CXCR2: variants seen among roughly 807,000 people sequenced by gnomAD.
CXCR2 encodes the protein C-X-C motif chemokine receptor 2.
A neutral mutation model predicts 3.7 loss-of-function variants in CXCR2; 2 were observed. That is an observed-to-expected ratio of 0.55 (90% CI 0.22 to 1.72). CXCR2 has a LOEUF of 1.72. CXCR2 is among the 40% of genes most tolerant of loss of function. The probability of loss-of-function intolerance (pLI) is 0.19; values close to 1 mark genes in which losing one functional copy is unlikely to be tolerated. For synonymous variants in CXCR2, 203 were observed against 193.3 expected (o/e 1.05, Z -0.41); for missense variants, 351 against 450.1 (o/e 0.78, Z 1.99).
At chr2:218,129,807 T>C (rs1690599978) in intron 2 of CXCR2, among the ~76,000 whole-genome samples, 1 of 152,236 alleles carries the variant, frequency 6.6e-6, no homozygotes, top group African/African-American at 2.4e-5. Context: ...CCTTAGATGT[T>C]TGAGATCTTG....
chr2:218,132,523 T>C (rs986050189), intron 2 of CXCR2, among the ~76,000 whole-genome samples: 5 of 152,228 alleles, frequency 3.3e-5, no homozygotes, highest in Admixed American at 3.3e-4. Context: ...AAATATGTCA[T>C]GTGAACATGG....
chr2:218,128,703 A>G (rs1690566946), intron 1 of CXCR2, among the ~76,000 whole-genome samples: 1 of 152,174 alleles, frequency 6.6e-6, no homozygotes, highest in Non-Finnish European at 1.5e-5. Context: ...CTCAGACCCA[A>G]TGCCAAGTGT....
At chr2:218,130,170 C>G (rs896655175) in intron 2 of CXCR2, among the ~76,000 whole-genome samples, 10 of 152,168 alleles carry the variant, frequency 6.6e-5, no homozygotes, top group African/African-American at 2.4e-4. Context: ...CCTGTAATCT[C>G]AGCACTTTGG....
At position 218,135,491 on chromosome 2, in the gene CXCR2, C is replaced by T; in HGVS notation, c.690C>T (p.Cys230=). 6.2e-7 allele frequency: 1 copy of T among 1,614,196 alleles called. No individual in the cohort carries two copies. Among genetic ancestry groups the T allele is most frequent in the Non-Finnish European group, 8.5e-7 (1 of 1,180,024 alleles). Residue 230 remains cysteine (C), a synonymous_variant, in exon 3 of 3, where the codon TGC becomes TGT. Transcript: ENST00000318507. This position sits in a 1 kb window ranked among gnomAD's most constrained non-coding sequence, Gnocchi z 4.0. The stretch of plus-strand genomic sequence containing the variant: ...TGCCACTGCTGATCATGCTGTTCTG[C>T]TACGGATTCACCCTGCGTACGCTGT... The part of the protein sequence containing the change: ...FIVPLLIMLF[C]YGFTLRTLFK...
At chr2:218,134,139 GA>G (rs1690721836) in intron 2 of CXCR2, among the ~76,000 whole-genome samples, 1 of 152,148 alleles carries the variant, frequency 6.6e-6, no homozygotes, top group Non-Finnish European at 1.5e-5. Flanking sequence ...ATAACTTTTA[GA>G]AAATTGAACA....
At chr2:218,131,573 C>A (rs901713688) in intron 2 of CXCR2, among the ~76,000 whole-genome samples, 1 of 151,666 alleles carries the variant, frequency 6.6e-6, no homozygotes, top group Non-Finnish European at 1.5e-5. Context: ...GGGTTCACAC[C>A]GTTCTCCTGC....
chr2:218,131,985 C>T (rs1308544275), intron 2 of CXCR2, among the ~76,000 whole-genome samples: 1 of 152,000 alleles, frequency 6.6e-6, no homozygotes, highest in Admixed American at 6.6e-5. Flanking sequence ...TTCTTCTTTG[C>T]TACATATGAT....
At position 218,135,921 on chromosome 2, in the gene CXCR2, C is replaced by T. The variant is rs200366084; in HGVS notation, c.*37C>T. 467 of 1,561,494 alleles carry T rather than the reference C, an allele frequency of 3.0e-4. 2 individuals are homozygous for T. The African/African-American group carries it at 5.7e-3, about 19-fold the overall frequency. The stretch of plus-strand genomic sequence containing the variant: ...TAAGTGCAGCCCCGTGGGGTTCCTC[C>T]CTTCTCTTCACAGTCACATTCCAAG... On this transcript the variant is annotated 3_prime_UTR_variant, in exon 3 of 3. Transcript: ENST00000318507. The surrounding 1 kb of genome is among the most constrained non-coding windows in gnomAD (Gnocchi z 4.0).
intron 2 of CXCR2, among the ~76,000 whole-genome samples, chr2:218,130,344 C>T (rs1169049081): frequency 6.6e-6 from 1 of 151,910 alleles, no homozygotes; most frequent in African/African-American, 2.4e-5. Context: ...CACTTGAACC[C>T]GGGAGGTGGA....
chr2:218,132,213 T>C (rs954528403), intron 2 of CXCR2, among the ~76,000 whole-genome samples: 1 of 152,160 alleles, frequency 6.6e-6, no homozygotes, highest in Admixed American at 6.6e-5. Flanking sequence ...CTTTTATCAC[T>C]CAAAAGAAAA....
chr2:218,136,647 A>T lies in CXCR2; in HGVS notation c.*763A>T, dbSNP rs896968695. Reference sequence around the variant, plus strand: ...ATATTTGTACACCAATATTCATAGCAGCTTATTCACAAGACCCAAAAGGCA... The same window carrying T: ...ATATTTGTACACCAATATTCATAGCTGCTTATTCACAAGACCCAAAAGGCA... On this transcript the variant is annotated 3_prime_UTR_variant, in exon 3 of 3. Coordinates refer to ENST00000318507, the MANE Select transcript of CXCR2 (RefSeq NM_001557.4). The T allele has an allele frequency of 6.0e-6, 1 of 167,050 alleles. No homozygotes were observed. The highest frequency in any genetic ancestry group is 1.9e-4 in the East Asian group (1 of 5,204). The allele number at this position is 167,050 out of a possible 1,614,324, so 10.3% of individuals were successfully genotyped here. A position where few individuals can be genotyped will look rare whatever the true frequency, so the allele number is the denominator to read the frequency against.
intron 2 of CXCR2, among the ~76,000 whole-genome samples, chr2:218,132,078 C>T (rs1690660351): frequency 6.6e-6 from 1 of 152,030 alleles, no homozygotes; most frequent in Non-Finnish European, 1.5e-5. Context: ...TTTGTATTTG[C>T]TTTGCAAGGC....
At chr2:218,127,500 A>C (rs965043021) in intron 1 of CXCR2, among the ~76,000 whole-genome samples, 1 of 152,200 alleles carries the variant, frequency 6.6e-6, no homozygotes, top group African/African-American at 2.4e-5. Flanking sequence ...CCTAAGGAGC[A>C]TGAAGAAGGA....
At position 218,136,873 on chromosome 2, in the gene CXCR2, T is replaced by C. The variant is rs1232923856; in HGVS notation, c.*989T>C. ...AGTTTATGATTCCACCTACATGAGG[T>C]ACTGAGAGTGAACAAATTTACAGAG... is the stretch of plus-strand genomic sequence containing the variant. On this transcript the variant is annotated 3_prime_UTR_variant, in exon 3 of 3. Coordinates refer to ENST00000318507, the MANE Select transcript of CXCR2 (RefSeq NM_001557.4). 1 of 167,202 alleles carries C rather than the reference T, an allele frequency of 6.0e-6. No homozygotes were observed. Among genetic ancestry groups the C allele is most frequent in the Admixed American group, 6.5e-5 (1 of 15,272 alleles). The allele number at this position is 167,202 out of a possible 1,614,324, so 10.4% of individuals were successfully genotyped here.
At position 218,135,634 on chromosome 2, in the gene CXCR2, G is replaced by T; in HGVS notation, c.833G>T (p.Arg278Met). The T allele has an allele frequency of 6.2e-7, 1 of 1,614,038 alleles. No homozygotes were observed. Among genetic ancestry groups the T allele is most frequent in the Non-Finnish European group, 8.5e-7 (1 of 1,180,008 alleles). ...NLVLLADTLM[R>M]TQVIQETCER... ...GTCCTGCTGGCAGACACCCTCATGA[G>T]GACCCAGGTGATCCAGGAGACCTGT... The change falls in exon 3 of 3, where the codon AGG becomes ATG. Residue 278 changes from arginine to methionine, a missense_variant. By Grantham distance (91) the Arg-to-Met change is moderately conservative. Coordinates refer to ENST00000318507, the MANE Select transcript of CXCR2 (RefSeq NM_001557.4). The surrounding 1 kb of genome is among the most constrained non-coding windows in gnomAD (Gnocchi z 4.0).
Position 218,136,093 on chromosome 2 carries a change from A to C in CXCR2, c.*209A>C. ...TGCCTCACCCCTTGCCATAATTACT[A>C]TGTCATTTGCTGGAGCTCTGCCCAT... On this transcript the variant is annotated 3_prime_UTR_variant, in exon 3 of 3. Transcript: ENST00000318507. 1.7e-6 allele frequency: 1 copy of C among 594,404 alleles called. No homozygotes were observed. Among genetic ancestry groups the C allele is most frequent in the Non-Finnish European group, 2.9e-6 (1 of 342,354 alleles). 36.8% of individuals were successfully genotyped at this position (594,404 alleles called of 1,614,324 possible). A position where few individuals can be genotyped will look rare whatever the true frequency, so the allele number is the denominator to read the frequency against.
Position 218,135,358 on chromosome 2 carries a change from C to T in CXCR2, c.557C>T (p.Thr186Ile), listed in dbSNP as rs1690761136. The stretch of plus-strand genomic sequence containing the variant: ...CTGCCTGTCTTACTTTTCCGAAGGA[C>T]CGTCTACTCATCCAATGTTAGCCCA... Reference protein sequence around the residue: ...LALPVLLFRRTVYSSNVSPAC... With the variant: ...LALPVLLFRRIVYSSNVSPAC... The change falls in exon 3 of 3, where the codon ACC becomes ATC. Residue 186 changes from threonine to isoleucine, a missense_variant. Transcript: ENST00000318507. The surrounding 1 kb of genome is among the most constrained non-coding windows in gnomAD (Gnocchi z 4.0). 1 of 1,614,184 alleles carries T rather than the reference C, an allele frequency of 6.2e-7. No individual in the cohort carries two copies. The highest frequency in any genetic ancestry group is 1.1e-5 in the South Asian group (1 of 91,070).
intron 2 of CXCR2, among the ~76,000 whole-genome samples, chr2:218,133,387 C>T (rs1387239375): frequency 1.3e-5 from 2 of 150,114 alleles, no homozygotes; most frequent in African/African-American, 4.9e-5. Flanking sequence ...GCAACCTCCA[C>T]CTCCTGGGTT....
chr2:218,131,312 G>A (rs1284752455), intron 2 of CXCR2, among the ~76,000 whole-genome samples: 1 of 152,174 alleles, frequency 6.6e-6, no homozygotes, highest in Non-Finnish European at 1.5e-5. Context: ...CCATGGGACT[G>A]AGGAGCTGGT....
Sources: allele counts gnomAD v4.1 joint callset (sites outside exome capture counted in the v4.1 genomes callset), GRCh38; gene constraint gnomAD v4.1.1; non-coding constraint Gnocchi (gnomAD v3.1); transcripts MANE v1.5; gene names NCBI Gene and HGNC (gene_info 2026-07-23, HGNC 2026-07-21).